GALNT17: variants seen among roughly 807,000 people sequenced by gnomAD.
GALNT17 encodes the protein polypeptide N-acetylgalactosaminyltransferase 17, also known as UDP-GalNAc:polypeptide N-acetylgalactosaminyltransferase-like 3.
GALNT17 carries 29 observed loss-of-function variants against 63.7 expected under a neutral mutation model. The ratio of observed to expected loss-of-function variants is 0.46; its 90% confidence interval spans 0.34 to 0.62. The LOEUF (loss-of-function observed/expected upper bound fraction) is 0.62. Ranked by LOEUF, GALNT17 falls within the 20% of genes least tolerant of loss-of-function variation. The probability of loss-of-function intolerance (pLI) is 0.01; values close to 1 mark genes in which losing one functional copy is unlikely to be tolerated. For missense variants in GALNT17, 603 were observed against 799.6 expected, an observed-to-expected ratio of 0.75 and a Z score of 2.97; for synonymous variants, 305 against 318.3, an observed-to-expected ratio of 0.96 and a Z score of 0.45.
chr7:71,270,538 C>CAAAAAAAAAAA (rs573250852), intron 1 of GALNT17, among the ~76,000 whole-genome samples: 3 of 89,206 alleles, frequency 3.4e-5, no homozygotes, highest in African/African-American at 4.6e-5. Flanking sequence ...CCCACCCCAC[C>CAAAAAAAAAAA]AAAAAAAAAA....
intron 3 of GALNT17, among the ~76,000 whole-genome samples, chr7:71,409,835 C>A (rs1793399096): frequency 6.6e-6 from 1 of 152,088 alleles, no homozygotes; most frequent in Admixed American, 6.5e-5. Context: ...TCCACCTCCC[C>A]AACGATTTCT....
chr7:71,381,248 A>G (rs1489153701), intron 2 of GALNT17, among the ~76,000 whole-genome samples: 1 of 151,946 alleles, frequency 6.6e-6, no homozygotes, highest in Non-Finnish European at 1.5e-5. Flanking sequence ...GGCGTGAGCC[A>G]CCACGCCTGG....
At chr7:71,197,682 A>C (rs976013401) in intron 1 of GALNT17, among the ~76,000 whole-genome samples, 1 of 152,082 alleles carries the variant, frequency 6.6e-6, no homozygotes, top group Non-Finnish European at 1.5e-5. Flanking sequence ...TCCACAAATA[A>C]GGGAGAGTCA....
At chr7:71,201,244 T>TATATATATATATATATATATATATATAC (rs753976717) in intron 1 of GALNT17, among the ~76,000 whole-genome samples, 22 of 146,754 alleles carry the variant, frequency 1.5e-4, no homozygotes, top group South Asian at 2.1e-4. Flanking sequence ...TTTATTTTTA[T>TATATATATATATATATATATATATATAC]ATATATATAT....
chr7:71,629,602 C>G (rs1179375173), intron 6 of GALNT17, among the ~76,000 whole-genome samples: 1 of 152,104 alleles, frequency 6.6e-6, no homozygotes, highest in African/African-American at 2.4e-5. Context: ...ACCTCAGCCT[C>G]TTGAGTAGCG....
At chr7:71,551,293 C>T (rs559933102) in intron 5 of GALNT17, among the ~76,000 whole-genome samples, 1 of 152,248 alleles carries the variant, frequency 6.6e-6, no homozygotes, top group East Asian at 1.9e-4. Context: ...AGATTTTTCT[C>T]TTTTTCCTTT....
At chr7:71,384,256 AC>A (rs1163804645) in intron 2 of GALNT17, among the ~76,000 whole-genome samples, 2 of 152,096 alleles carry the variant, frequency 1.3e-5, no homozygotes, top group East Asian at 3.9e-4. Context: ...TATTTTAAGA[AC>A]CTGGCTCACA....
chr7:71,305,940 C>T (rs1054352565), intron 1 of GALNT17, among the ~76,000 whole-genome samples: 5 of 152,164 alleles, frequency 3.3e-5, no homozygotes, highest in Admixed American at 2.6e-4. Flanking sequence ...CTAATTAGGC[C>T]GGGCATGGTG....
At chr7:71,325,300 C>T (rs1253081065) in intron 1 of GALNT17, among the ~76,000 whole-genome samples, 17 of 152,174 alleles carry the variant, frequency 1.1e-4, no homozygotes, top group Non-Finnish European at 2.5e-4. Flanking sequence ...GCTCTGGCCT[C>T]TCTGCAGAAA....
At chr7:71,674,728 G>C (rs1306541588) in intron 8 of GALNT17, among the ~76,000 whole-genome samples, 2 of 152,052 alleles carry the variant, frequency 1.3e-5, no homozygotes, top group African/African-American at 4.8e-5. Flanking sequence ...TGTTGCCCAG[G>C]CTTGTCTCAC....
intron 5 of GALNT17, among the ~76,000 whole-genome samples, chr7:71,523,693 G>A (rs191983246): frequency 1.3e-5 from 2 of 151,590 alleles, no homozygotes; most frequent in African/African-American, 4.8e-5. Flanking sequence ...AGAGAGCTAT[G>A]ATTGTGCCAC....
At chr7:71,153,520 A>G (rs551036922) in intron 1 of GALNT17, among the ~76,000 whole-genome samples, 1 of 152,294 alleles carries the variant, frequency 6.6e-6, no homozygotes, top group African/African-American at 2.4e-5. Context: ...TTTCATGTAA[A>G]CAGTGGCTGG....
At chr7:71,404,935 T>A (rs1031278826) in intron 3 of GALNT17, among the ~76,000 whole-genome samples, 14 of 152,210 alleles carry the variant, frequency 9.2e-5, no homozygotes, top group African/African-American at 3.4e-4. Context: ...AACTTTCCAC[T>A]CATGGTTACA....
intron 5 of GALNT17, among the ~76,000 whole-genome samples, chr7:71,465,111 A>C (rs1787513379): frequency 1.3e-5 from 2 of 152,210 alleles, no homozygotes; most frequent in African/African-American, 4.8e-5. Flanking sequence ...CAATGGCCAC[A>C]GACATCTAGG....
At chr7:71,412,610 A>C (rs1793450473) in intron 3 of GALNT17, among the ~76,000 whole-genome samples, 1 of 151,872 alleles carries the variant, frequency 6.6e-6, no homozygotes, top group African/African-American at 2.4e-5. Flanking sequence ...AGTGCCTGAC[A>C]CCTCTGCCCT....
chr7:71,187,651 G>A (rs1327869739), intron 1 of GALNT17, among the ~76,000 whole-genome samples: 3 of 152,106 alleles, frequency 2.0e-5, no homozygotes, highest in Non-Finnish European at 4.4e-5. Context: ...AGGTACTGAC[G>A]TGCACATAGG....
chr7:71,704,171 C>G (rs1235280151), intron 9 of GALNT17, among the ~76,000 whole-genome samples: 1 of 152,080 alleles, frequency 6.6e-6, no homozygotes, highest in Non-Finnish European at 1.5e-5. Flanking sequence ...CCATGAGGTA[C>G]CTGGGTGGTT....
chr7:71,316,757 A>T (rs1791508081), intron 1 of GALNT17, among the ~76,000 whole-genome samples: 1 of 152,132 alleles, frequency 6.6e-6, no homozygotes, highest in Non-Finnish European at 1.5e-5. Flanking sequence ...CAGAAAGAAG[A>T]GTGATACAGG....
chr7:71,346,945 T>A (rs200253890), intron 2 of GALNT17, among the ~76,000 whole-genome samples: 14 of 150,830 alleles, frequency 9.3e-5, no homozygotes, highest in East Asian at 5.9e-4. Flanking sequence ...TTTTTTTTTT[T>A]AAATAAAACA....
Sources: gnomAD v4.1 joint callset for allele counts (sites outside exome capture counted in the v4.1 genomes callset) on GRCh38, gnomAD v4.1.1 for gene constraint, MANE v1.5 for transcripts, NCBI Gene and HGNC (gene_info 2026-07-23, HGNC 2026-07-21) for gene names.